DTNB: variants seen among roughly 807,000 people sequenced by gnomAD.
The protein encoded by DTNB is DTN-B.
DTNB carries 63 observed loss-of-function variants against 90.7 expected under a neutral mutation model. The ratio of observed to expected loss-of-function variants is 0.69; its 90% CI spans 0.57 to 0.86. The LOEUF is 0.86. Among genes scored for constraint, DTNB ranks in the 40% least tolerant of loss-of-function variants. The pLI, the probability that DTNB is intolerant of heterozygous loss-of-function variation, is 0.00. For missense variants in DTNB, 744 were observed against 807.1 expected, an observed-to-expected ratio of 0.92 and a Z score of 0.95; for synonymous variants, 277 against 286.7, an observed-to-expected ratio of 0.97 and a Z score of 0.34.
At chr2:25,569,996 C>A (rs1572727734) in intron 8 of DTNB, among the ~76,000 whole-genome samples, 2 of 151,014 alleles carry the variant, frequency 1.3e-5, no homozygotes, top group Admixed American at 1.3e-4. Context: ...ACTCAGGAGG[C>A]TGAGGCAGGA....
At chr2:25,582,240 T>C (rs1009120660) in intron 6 of DTNB, among the ~76,000 whole-genome samples, 1 of 152,178 alleles carries the variant, frequency 6.6e-6, no homozygotes, top group African/African-American at 2.4e-5. Context: ...GACACTGTGA[T>C]GCTTGGCCTG....
chr2:25,418,160 C>T (rs1298212466), intron 16 of DTNB, among the ~76,000 whole-genome samples: 3 of 152,154 alleles, frequency 2.0e-5, no homozygotes, highest in Non-Finnish European at 2.9e-5. Context: ...AAAACAAGTG[C>T]ACTTTGGTTC....
intron 4 of DTNB, among the ~76,000 whole-genome samples, 199 bp downstream of exon 4, chr2:25,627,972 G>A (rs2074712143): frequency 6.6e-6 from 1 of 152,066 alleles, no homozygotes; most frequent in South Asian, 2.1e-4. Flanking sequence ...TCCTGACCTT[G>A]TGATTTGCCC....
At chr2:25,563,884 CTTTTTT>C (rs373957524) in intron 8 of DTNB, among the ~76,000 whole-genome samples, 1 of 151,558 alleles carries the variant, frequency 6.6e-6, no homozygotes, top group Non-Finnish European at 1.5e-5. Flanking sequence ...ATTTGCTATT[CTTTTTT>C]TTTCTTTTTT....
At chr2:25,646,724 T>C (rs2079541723) in intron 2 of DTNB, among the ~76,000 whole-genome samples, 1 of 152,140 alleles carries the variant, frequency 6.6e-6, no homozygotes, top group Admixed American at 6.6e-5. Flanking sequence ...ACCAAACCAA[T>C]ATGTTTCTTA....
At chr2:25,599,722 A>T (rs1326758471) in intron 5 of DTNB, among the ~76,000 whole-genome samples, 1 of 152,140 alleles carries the variant, frequency 6.6e-6, no homozygotes, top group African/African-American at 2.4e-5. Context: ...CAGATAGAGA[A>T]CTTTGAAAAT....
At chr2:25,380,818 A>G (rs570629892) in intron 19 of DTNB, among the ~76,000 whole-genome samples, 3 of 142,978 alleles carry the variant, frequency 2.1e-5, no homozygotes, top group Non-Finnish European at 4.8e-5. Context: ...TGCAGGTGCA[A>G]AGACAGCACC....
chr2:25,616,714 C>T (rs527784320), intron 4 of DTNB, among the ~76,000 whole-genome samples: 9 of 149,984 alleles, frequency 6.0e-5, no homozygotes, highest in Middle Eastern at 7.2e-3. Flanking sequence ...TGGTGGATCA[C>T]GAGGTCAAGA....
At position 25,616,630 on chromosome 2, in the gene DTNB, T is replaced by TA. The variant is rs58950790; in HGVS notation, c.363-9310dup. Among the ~76,000 whole-genome samples, 172 of 117,674 alleles carry TA rather than the reference T, an allele frequency of 1.5e-3. 5 individuals are homozygous for TA. The highest frequency in any genetic ancestry group is 4.7e-3 in the African/African-American group (136 of 29,214). 77.2% of individuals were successfully genotyped at this position (117,674 alleles called of 152,430 possible). On this transcript the variant is annotated intron_variant, in intron 4 of 20. Transcript: ENST00000406818. ...ATAATCTAGATCAGGCTATTTATAG[T>TA]AAAAAAAAAAAAAAAGACTTGGCCG...
intron 10 of DTNB, among the ~76,000 whole-genome samples, chr2:25,460,639 C>T (rs144316843): frequency 7.5e-4 from 114 of 152,196 alleles, no homozygotes; most frequent in African/African-American, 2.5e-3. Flanking sequence ...CTATGTCAAA[C>T]GCTACTGACA....
intron 8 of DTNB, among the ~76,000 whole-genome samples, chr2:25,542,204 T>G (rs1366972593): frequency 6.6e-6 from 1 of 152,190 alleles, no homozygotes; most frequent in Non-Finnish European, 1.5e-5. Flanking sequence ...AACCTCCACC[T>G]CCTGGGTTCA....
chr2:25,547,724 A>C (rs1229516212), intron 8 of DTNB, among the ~76,000 whole-genome samples: 1 of 152,196 alleles, frequency 6.6e-6, no homozygotes, highest in African/African-American at 2.4e-5. Context: ...GGAATGGTAT[A>C]TATCAAATGA....
chr2:25,530,452 T>C (rs2077958443), intron 9 of DTNB, among the ~76,000 whole-genome samples: 1 of 151,974 alleles, frequency 6.6e-6, no homozygotes, highest in Non-Finnish European at 1.5e-5. Context: ...ATAATAATGA[T>C]AATAATGTCT....
rs147358233 is a variant in DTNB at position 25,659,133 on chromosome 2, A to G, written c.-1-6472T>C. ...ATCCCAGAATGAAAAGCAGAATGTG[A>G]TAAAGCAATCCAACAGTATTATATA... On this transcript the variant is annotated intron_variant, in intron 1 of 20. Coordinates refer to ENST00000406818, the MANE Select transcript of DTNB (RefSeq NM_021907.5). Among the ~76,000 whole-genome samples, 914 of 152,262 alleles carry G rather than the reference A, an allele frequency of 6.0e-3. 7 individuals carry two copies. The highest frequency in any genetic ancestry group is 0.021 in the African/African-American group (870 of 41,550).
chr2:25,384,150 G>A (rs1027527525), intron 18 of DTNB, among the ~76,000 whole-genome samples: 15 of 152,384 alleles, frequency 9.8e-5, no homozygotes, highest in Non-Finnish European at 1.9e-4. Flanking sequence ...GGCTGGGGGC[G>A]TGCAGTGTGG....
At chr2:25,394,864 AG>A (rs1237987120) in intron 16 of DTNB, among the ~76,000 whole-genome samples, 1 of 152,248 alleles carries the variant, frequency 6.6e-6, no homozygotes, top group Non-Finnish European at 1.5e-5. Flanking sequence ...TGTTTGATCC[AG>A]CAATCCCATT....
At position 25,501,207 on chromosome 2, in the gene DTNB, GT is replaced by G. The variant is rs5829979; in HGVS notation, c.1002-18335del. ...TTAAATGTAAAAGCTAGATCTAGAA[GT>G]TTTTTTTTTTCTTTTCTCTTTTGAA... On this transcript the variant is annotated intron_variant, in intron 9 of 20. Transcript: ENST00000406818. Among the ~76,000 whole-genome samples the G allele has an allele frequency of 2.6e-3, 384 of 149,168 alleles. 3 individuals carry two copies. Among genetic ancestry groups the G allele is most frequent in the African/African-American group, 8.2e-3 (336 of 40,808 alleles).
chr2:25,639,074 T>A lies in DTNB; in HGVS notation c.88A>T (p.Ile30Leu). 1 of 1,587,442 alleles carries A rather than the reference T, an allele frequency of 6.3e-7. No individual in the cohort carries two copies. Residue 30 changes from isoleucine (I) to leucine (L), a missense_variant, in exon 3 of 21, where the codon ATA becomes TTA. Coordinates refer to ENST00000406818, the MANE Select transcript of DTNB (RefSeq NM_021907.5). ...GCTGTTCTGTAAGTTGATAGTCGTA[T>A]GACATCAAAATTCTGAGCACCTGAA... is the stretch of plus-strand genomic sequence containing the variant. ...IEMRAQNFDV[I>L]RLSTYRTACK...
chr2:25,614,100 T>G (rs1303966192), intron 4 of DTNB, among the ~76,000 whole-genome samples: 1 of 152,214 alleles, frequency 6.6e-6, no homozygotes, highest in Admixed American at 6.5e-5. Flanking sequence ...ATACGACCAT[T>G]TGAATAGATG....
Sources: gnomAD v4.1 joint callset for allele counts (sites outside exome capture counted in the v4.1 genomes callset) on GRCh38, gnomAD v4.1.1 for gene constraint, MANE v1.5 for transcripts, NCBI Gene and HGNC (gene_info 2026-07-23, HGNC 2026-07-21) for gene names.